The following TPRA1 variants were observed in gnomAD, a reference collection of about 807,000 sequenced individuals.
TPRA1 encodes transmembrane protein adipocyte-associated 1.
Under a neutral mutation model 40.1 loss-of-function variants are expected in TPRA1, and 28 were observed. The ratio of observed to expected loss-of-function variants is 0.70; its 90% CI spans 0.52 to 0.96. The LOEUF (loss-of-function observed/expected upper bound fraction) is 0.96. TPRA1 is among the 40% of genes least tolerant of loss of function. The pLI, the probability that TPRA1 is intolerant of heterozygous loss-of-function variation, is 0.00. For missense variants in TPRA1, 441 were observed against 482.6 expected (o/e 0.91, Z 0.81); for synonymous variants, 219 against 209.7 (o/e 1.04, Z -0.38).
chr3:127,575,992 T>C lies in TPRA1; in HGVS notation c.557A>G (p.Tyr186Cys), dbSNP rs1158803594. ...AHLSAEDFNI[Y>C]GHGGRQFWLV... is the part of the protein sequence containing the mutation. ...CCAGAACTGGCGGCCCCCATGGCCATAGATATTAAAGTCCTCAGCTGAGAG... is the reference window on the plus strand; with the variant it reads ...CCAGAACTGGCGGCCCCCATGGCCACAGATATTAAAGTCCTCAGCTGAGAG... The change falls in exon 7 of 11, where the codon TAT becomes TGT. Residue 186 changes from tyrosine to cysteine, a missense_variant. Physicochemically the swap from Tyr to Cys is radical, Grantham distance 194 (BLOSUM62 -2). Transcript: ENST00000355552. 7 of 1,613,914 alleles carry C rather than the reference T, an allele frequency of 4.3e-6. No individual in the cohort carries two copies. The highest frequency in any genetic ancestry group is 5.1e-6 in the Non-Finnish European group (6 of 1,180,034).
Position 127,576,571 on chromosome 3 carries a change from T to C in TPRA1, c.498+46A>G. On this transcript the variant is annotated intron_variant, in intron 6 of 10. Coordinates refer to ENST00000355552, the MANE Select transcript of TPRA1 (RefSeq NM_001136053.4). This position sits in a 1 kb window ranked among gnomAD's most constrained non-coding sequence, Gnocchi z 4.6. Reference sequence around the variant, plus strand: ...CCCAGACCCAGAAGCAGTGGGTGCCTGGTGCCCTGACTCCTAGCGTCCCCT... The same window carrying C: ...CCCAGACCCAGAAGCAGTGGGTGCCCGGTGCCCTGACTCCTAGCGTCCCCT... 3 of 1,527,024 alleles carry C rather than the reference T, an allele frequency of 2.0e-6. No individual in the cohort carries two copies. The highest frequency in any genetic ancestry group is 2.4e-5 in the East Asian group (1 of 40,878). 94.6% of individuals were successfully genotyped at this position (1,527,024 alleles called of 1,614,324 possible). A position where few individuals can be genotyped will look rare whatever the true frequency, so the allele number is the denominator to read the frequency against.
intron 1 of TPRA1, among the ~76,000 whole-genome samples, chr3:127,596,972 C>T (rs1172633365): frequency 6.6e-6 from 1 of 152,080 alleles, no homozygotes; most frequent in African/African-American, 2.4e-5. Flanking sequence ...AAAAATTAAC[C>T]GGGCACAATG....
chr3:127,597,200 C>G (rs2074252551), intron 1 of TPRA1, among the ~76,000 whole-genome samples: 1 of 152,120 alleles, frequency 6.6e-6, no homozygotes, highest in African/African-American at 2.4e-5. Context: ...GGGTCCCAGG[C>G]AGAGATGCTT....
At chr3:127,579,709 T>C (rs1032345585) in intron 3 of TPRA1, 31 bp downstream of exon 3, 21 of 1,611,054 alleles carry the variant, frequency 1.3e-5, no homozygotes, top group African/African-American at 2.7e-5. Context: ...CCAGTTGGAG[T>C]TGGCTTTTCT....
At chr3:127,588,228 GTGT>G (rs1321772528) in intron 1 of TPRA1, 1 of 152,264 alleles carries the variant, frequency 6.6e-6, no homozygotes, top group Non-Finnish European at 1.5e-5. Context: ...AAATACCCTG[GTGT>G]TGTTAACATG....
chr3:127,597,662 C>T lies in TPRA1; in HGVS notation c.-391+345G>A, dbSNP rs549466451. Among the ~76,000 whole-genome samples the T allele has an allele frequency of 1.7e-3, 263 of 152,322 alleles. 1 individual carries two copies. Among genetic ancestry groups the T allele is most frequent in the African/African-American group, 6.0e-3 (251 of 41,580 alleles). ...TCGCTCCCCTGGGCAAAGATAACTC[C>T]TACTAAAGCCTCAGATGTGACCTCC... On this transcript the variant is annotated intron_variant, in intron 1 of 3. Coordinates refer to the TPRA1 transcript ENST00000462228.
intron 3 of TPRA1, 113 bp from the exon 4 acceptor site, chr3:127,577,189 G>A (rs973179191): frequency 2.7e-6 from 3 of 1,101,454 alleles, no homozygotes; most frequent in Non-Finnish European, 4.0e-6. Context: ...GGTCGGAAAG[G>A]AGGAAGGCGC....
intron 3 of TPRA1, among the ~76,000 whole-genome samples, chr3:127,578,970 C>T (rs139990846): frequency 2.0e-4 from 31 of 151,766 alleles, no homozygotes; most frequent in African/African-American, 5.1e-4. Context: ...CAGCCCGCAC[C>T]GGAAGCCTAC....
rs907313574 is a variant in TPRA1 at position 127,577,041 on chromosome 3, G to A, written c.294C>T (p.Ala98=). 3.3e-5 allele frequency: 54 copies of A among 1,613,454 alleles called. No homozygotes were observed. The highest frequency in any genetic ancestry group is 1.6e-4 in the Middle Eastern group (1 of 6,070). The change falls in exon 4 of 11, where the codon GCC becomes GCT. Residue 98 remains alanine, a synonymous_variant. Transcript: ENST00000355552. ...FVVALVGIAR[A]VVSMTVSTSN... The stretch of plus-strand genomic sequence containing the variant: ...AGGTGCTCACCGTCATGGATACCAC[G>A]GCCCGGGCAATGCCCACCAGCGCCA...
At chr3:127,583,946 G>A (rs1308684365) in intron 1 of TPRA1, among the ~76,000 whole-genome samples, 2 of 151,662 alleles carry the variant, frequency 1.3e-5, no homozygotes. Context: ...TGGGATTACA[G>A]GTGTGAGCCA....
intron 1 of TPRA1, among the ~76,000 whole-genome samples, chr3:127,584,447 T>TAACAAAAAAA (rs2073936381): frequency 4.8e-5 from 1 of 20,870 alleles, no homozygotes; most frequent in African/African-American, 2.1e-4. Flanking sequence ...AGACCCTGTC[T>TAACAAAAAAA]AAAAAAAAAA....
chr3:127,588,572 C>T (rs989674630), intron 1 of TPRA1, among the ~76,000 whole-genome samples: 1 of 152,062 alleles, frequency 6.6e-6, no homozygotes, highest in Admixed American at 6.5e-5. Flanking sequence ...AGGTGTGCAC[C>T]ACCACACCCG....
Position 127,572,959 on chromosome 3 carries a change from T to G in TPRA1, c.*562A>C, listed in dbSNP as rs1310029509. The G allele has an allele frequency of 1.3e-4, 20 of 152,256 alleles. No individual in the cohort carries two copies. Among genetic ancestry groups the G allele is most frequent in the Admixed American group, 1.3e-3 (20 of 15,288 alleles). The allele number at this position is 152,256 out of a possible 1,614,324, so 9.4% of individuals were successfully genotyped here. On this transcript the variant is annotated 3_prime_UTR_variant, in exon 11 of 11. Coordinates refer to ENST00000355552, the MANE Select transcript of TPRA1 (RefSeq NM_001136053.4). ...AGCCCAGGGCTTGGGCACTGGGGAC[T>G]GCTCCTTGGTTGAGCAGAGGCCCCC...
chr3:127,586,045 G>A (rs773065865), intron 1 of TPRA1, among the ~76,000 whole-genome samples: 24 of 152,194 alleles, frequency 1.6e-4, no homozygotes, highest in Non-Finnish European at 3.2e-4. Flanking sequence ...GGCTCTGGTC[G>A]AAGTCAAGAA....
upstream of TPRA1, among the ~76,000 whole-genome samples, chr3:127,591,555 G>A (rs1032672529): frequency 1.3e-5 from 2 of 152,126 alleles, no homozygotes; most frequent in African/African-American, 2.4e-5. Context: ...CTGTCCCTCG[G>A]CTGTTCCAAG....
At chr3:127,582,971 C>T (rs2073879601) in intron 1 of TPRA1, among the ~76,000 whole-genome samples, 2 of 152,042 alleles carry the variant, frequency 1.3e-5, no homozygotes, top group Non-Finnish European at 1.5e-5. Context: ...TGGAAAAACC[C>T]TGTCTCTACT....
intron 10 of TPRA1, 55 bp downstream of exon 10, chr3:127,575,127 GGAA>G (rs1328849197): frequency 8.9e-6 from 14 of 1,569,500 alleles, no homozygotes; most frequent in Middle Eastern, 1.7e-4. Flanking sequence ...CACCCATGCT[GGAA>G]GAAGGCGCAG....
Position 127,575,199 on chromosome 3 carries a change from G to A in TPRA1, c.840C>T (p.Leu280=). The change falls in exon 10 of 11, where the codon CTC becomes CTT. Residue 280 remains leucine, a synonymous_variant. Coordinates refer to ENST00000355552, the MANE Select transcript of TPRA1 (RefSeq NM_001136053.4). ...FFAPLIYVAF[L]RGFFGSEPKI... ...CACAGACTCACCCGAAGAAGCCCCG[G>A]AGGAAAGCCACGTAGATGAGCGGAG... The A allele has an allele frequency of 1.2e-6, 2 of 1,613,974 alleles. No homozygotes were observed. Among genetic ancestry groups the A allele is most frequent in the Middle Eastern group, 1.7e-4 (1 of 6,060 alleles).
chr3:127,577,001 C>G lies in TPRA1; in HGVS notation c.334G>C (p.Val112Leu), dbSNP rs1051660793. ...GGGCCCAGCCGCACCTTATCAGCAA[C>G]AGTTGCAGCGTTCGAGGTGCTCACC... ...MTVSTSNAAT[V>L]ADKILWEITR... The change falls in exon 4 of 11, where the codon GTT (valine) becomes CTT (leucine). Residue 112 changes from valine to leucine, a missense_variant. Val to Leu is a conservative substitution (Grantham distance 32). Transcript: ENST00000355552. The G allele has an allele frequency of 9.3e-6, 15 of 1,613,732 alleles. No homozygotes were observed. Among genetic ancestry groups the G allele is most frequent in the Non-Finnish European group, 1.3e-5 (15 of 1,180,028 alleles).
Sources: gnomAD v4.1 joint callset for allele counts (sites outside exome capture counted in the v4.1 genomes callset) on GRCh38, gnomAD v4.1.1 for gene constraint, Gnocchi (gnomAD v3.1) non-coding constraint, MANE v1.5 for transcripts, NCBI Gene and HGNC (gene_info 2026-07-23, HGNC 2026-07-21) for gene names.